ABHD17C: variants seen among roughly 807,000 people sequenced by gnomAD.
The protein encoded by ABHD17C is abhydrolase domain containing 17C, depalmitoylase.
A neutral mutation model predicts 27.9 loss-of-function variants in ABHD17C; 11 were observed. The ratio of observed to expected loss-of-function variants is 0.39; its 90% confidence interval spans 0.25 to 0.65. The LOEUF is 0.65. ABHD17C is among the 30% of genes least tolerant of loss of function. The pLI is 0.45. For missense variants in ABHD17C, 280 were observed against 470.2 expected, an observed-to-expected ratio of 0.60 and a Z score of 3.74; for synonymous variants, 233 against 209.1, an observed-to-expected ratio of 1.11 and a Z score of -0.98.
chr15:80,710,485 G>A (rs947173493), intron 1 of ABHD17C, among the ~76,000 whole-genome samples: 2 of 152,194 alleles, frequency 1.3e-5, no homozygotes, highest in African/African-American at 4.8e-5. Context: ...CTGATATGTC[G>A]AGGGAGGAAG....
intron 1 of ABHD17C, among the ~76,000 whole-genome samples, chr15:80,714,838 CT>C (rs1327639299): frequency 1.1e-4 from 16 of 152,256 alleles, no homozygotes; most frequent in Admixed American, 7.9e-4. Flanking sequence ...TTTTGGATTT[CT>C]TTTCTCAGAA....
intron 2 of ABHD17C, among the ~76,000 whole-genome samples, chr15:80,750,374 A>T (rs1438849717): frequency 6.6e-6 from 1 of 152,172 alleles, no homozygotes; most frequent in Non-Finnish European, 1.5e-5. Flanking sequence ...TATTTTTAAT[A>T]CAAAATATTT....
chr15:80,701,374 T>G (rs759600935), intron 1 of ABHD17C, among the ~76,000 whole-genome samples: 1 of 151,892 alleles, frequency 6.6e-6, no homozygotes, highest in African/African-American at 2.4e-5. Flanking sequence ...TTTGACTGAT[T>G]AGGGAACAGA....
Position 80,695,574 on chromosome 15 carries a change from C to T in ABHD17C, c.145C>T (p.Gln49Ter). 1 of 1,154,244 alleles carries T rather than the reference C, an allele frequency of 8.7e-7. No homozygotes were observed. The highest frequency in any genetic ancestry group is 1.1e-6 in the Non-Finnish European group (1 of 932,568). 71.5% of individuals were successfully genotyped at this position (1,154,244 alleles called of 1,614,324 possible). A position where few individuals can be genotyped will look rare whatever the true frequency, so the allele number is the denominator to read the frequency against. ...CACCTACACGGTGCTGGCGCCGGAG[C>T]AGCGCGGCGCCGGCGCGTCCGCCCC... ...EPTYTVLAPE[Q>*]RGAGASAPAP... The change falls in exon 1 of 3, where the codon CAG becomes TAG. Residue 49 changes from glutamine to a stop codon, truncating the protein, a stop_gained. Coordinates refer to ENST00000258884, the MANE Select transcript of ABHD17C (RefSeq NM_021214.2). LOFTEE classifies it high-confidence loss of function. This position sits in a 1 kb window ranked among gnomAD's most constrained non-coding sequence, Gnocchi z 4.3.
At chr15:80,743,297 CTG>C (rs2141519625) in intron 1 of ABHD17C, among the ~76,000 whole-genome samples, 1 of 152,168 alleles carries the variant, frequency 6.6e-6, no homozygotes, top group Non-Finnish European at 1.5e-5. Context: ...CTGGTGTAGT[CTG>C]TGGAGGAGTG....
chr15:80,722,584 T>A (rs1411208411), intron 1 of ABHD17C, among the ~76,000 whole-genome samples: 3 of 151,984 alleles, frequency 2.0e-5, no homozygotes, highest in South Asian at 4.2e-4. Flanking sequence ...GCACTTTACA[T>A]GAGATCTTCC....
intron 2 of ABHD17C, among the ~76,000 whole-genome samples, chr15:80,753,148 A>G (rs1026944393): frequency 6.6e-6 from 1 of 152,126 alleles, no homozygotes; most frequent in Non-Finnish European, 1.5e-5. Flanking sequence ...TTCATTTGAT[A>G]TGTTAAGTTC....
At chr15:80,696,095 G>C (rs1433424745) in intron 1 of ABHD17C, 76 bp downstream of exon 1, 3 of 1,415,032 alleles carry the variant, frequency 2.1e-6, no homozygotes, top group East Asian at 5.0e-5. Context: ...GGCCCCTGGG[G>C]CGGCCTGCCA....
intron 1 of ABHD17C, chr15:80,703,168 A>G (rs1187272616): frequency 6.6e-6 from 1 of 152,256 alleles, no homozygotes; most frequent in Admixed American, 6.5e-5. Context: ...TCCTCCAGAA[A>G]AGCCAAAGGG....
chr15:80,722,941 G>A (rs1313684741), intron 1 of ABHD17C, among the ~76,000 whole-genome samples: 1 of 152,204 alleles, frequency 6.6e-6, no homozygotes, highest in African/African-American at 2.4e-5. Context: ...CGCATCTACA[G>A]ATTCAACCAA....
chr15:80,708,713 G>C (rs1894683873), intron 1 of ABHD17C, among the ~76,000 whole-genome samples: 1 of 152,240 alleles, frequency 6.6e-6, no homozygotes, highest in African/African-American at 2.4e-5. Context: ...GACCAGTGCA[G>C]CCTGGCGGGT....
chr15:80,753,664 C>T (rs577767496), intron 2 of ABHD17C, among the ~76,000 whole-genome samples: 1 of 152,292 alleles, frequency 6.6e-6, no homozygotes, highest in East Asian at 1.9e-4. Flanking sequence ...CCTCGGTCTT[C>T]CGAGTAGCTG....
At chr15:80,732,048 A>T (rs577439305) in intron 1 of ABHD17C, among the ~76,000 whole-genome samples, 1 of 152,342 alleles carries the variant, frequency 6.6e-6, no homozygotes, top group African/African-American at 2.4e-5. Context: ...TACATCTGAG[A>T]TGCTCAGGCT....
In ABHD17C at chr15:80,748,395, T is replaced by A. The variant is rs559323022; in HGVS notation, c.591-1118T>A. Among the ~76,000 whole-genome samples the A allele has an allele frequency of 1.1e-4, 17 of 152,350 alleles. No homozygotes were observed. The East Asian group carries it at 3.1e-3, about 28-fold the overall frequency. On this transcript the variant is annotated intron_variant, in intron 1 of 2. Coordinates refer to ENST00000258884, the MANE Select transcript of ABHD17C (RefSeq NM_021214.2). ...CAAGTGCTTGTACTAATTTACAAAGTAACAGCGTTCCACTTTTCCATGTCC... is the reference window on the plus strand; with the variant it reads ...CAAGTGCTTGTACTAATTTACAAAGAAACAGCGTTCCACTTTTCCATGTCC...
At chr15:80,705,367 G>GTGTGTGTGTGTGTGT (rs57722326) in intron 1 of ABHD17C, among the ~76,000 whole-genome samples, 80 of 150,220 alleles carry the variant, frequency 5.3e-4, no homozygotes, top group South Asian at 1.1e-3. Context: ...GTGTGTGTGT[G>GTGTGTGTGTGTGTGT]GTTAGGAGCA....
chr15:80,741,326 C>T (rs1895206026), intron 1 of ABHD17C, among the ~76,000 whole-genome samples: 1 of 152,036 alleles, frequency 6.6e-6, no homozygotes, highest in Non-Finnish European at 1.5e-5. Context: ...AGTCCTGAGC[C>T]CTGTACATGC....
chr15:80,722,911 T>G (rs1179349987), intron 1 of ABHD17C, among the ~76,000 whole-genome samples: 1 of 152,236 alleles, frequency 6.6e-6, no homozygotes, highest in African/African-American at 2.4e-5. Context: ...TTCTAAGGGC[T>G]GAGTAGTACA....
intron 1 of ABHD17C, among the ~76,000 whole-genome samples, chr15:80,733,873 T>G (rs988903186): frequency 9.4e-4 from 143 of 151,584 alleles, no homozygotes; most frequent in African/African-American, 3.3e-3. Context: ...ATATTTAAAG[T>G]TTTTTTTTCC....
intron 1 of ABHD17C, among the ~76,000 whole-genome samples, chr15:80,737,876 A>T (rs1348565762): frequency 6.6e-6 from 1 of 152,154 alleles, no homozygotes; most frequent in African/African-American, 2.4e-5. Flanking sequence ...GAATAGTCGG[A>T]TGGGGCTAGA....
Sources: allele counts gnomAD v4.1 joint callset (sites outside exome capture counted in the v4.1 genomes callset), GRCh38; gene constraint gnomAD v4.1.1; non-coding constraint Gnocchi (gnomAD v3.1); transcripts MANE v1.5; gene names NCBI Gene and HGNC (gene_info 2026-07-23, HGNC 2026-07-21).